Variants in VAV3 observed in about 807,000 individuals in gnomAD.
VAV3 encodes vav guanine nucleotide exchange factor 3, also known as guanine nucleotide exchange factor VAV3.
A neutral mutation model predicts 131.2 loss-of-function variants in VAV3; 94 were observed. The observed-to-expected ratio is 0.72, with a 90% CI of 0.61 to 0.85. VAV3 has a LOEUF of 0.85. Among genes scored for constraint, VAV3 ranks in the 40% least tolerant of loss-of-function variants. VAV3 has a pLI of 0.00. For missense variants in VAV3, 939 were observed against 1,002.7 expected, an observed-to-expected ratio of 0.94 and a Z score of 0.86; for synonymous variants, 349 against 342.0, an observed-to-expected ratio of 1.02 and a Z score of -0.22.
chr1:107,579,481 T>G lies in VAV3; in HGVS notation c.2351-5283A>C, dbSNP rs530475453. The stretch of plus-strand genomic sequence containing the variant: ...CTCTCTGTGAACTAGCCTTGCAAAG[T>G]TAGTACACCGTTCAGCCCTCCTTGT... On this transcript the variant is annotated intron_variant, in intron 25 of 26. Coordinates refer to ENST00000370056, the MANE Select transcript of VAV3 (RefSeq NM_006113.5). Among the ~76,000 whole-genome samples, 7 of 152,340 alleles carry G rather than the reference T, an allele frequency of 4.6e-5. No individual in the cohort carries two copies. In the East Asian group the frequency reaches 1.4e-3, roughly 29 times the overall value.
intron 2 of VAV3, among the ~76,000 whole-genome samples, chr1:107,819,468 T>C (rs553987103): frequency 1.9e-4 from 28 of 149,212 alleles, no homozygotes; most frequent in African/African-American, 6.9e-4. Context: ...GGGCCAGGAG[T>C]TCAAGACCAG....
intron 15 of VAV3, among the ~76,000 whole-genome samples, chr1:107,745,839 C>T (rs1410967272): frequency 6.6e-6 from 1 of 152,132 alleles, no homozygotes; most frequent in African/African-American, 2.4e-5. Flanking sequence ...GATTTCCCTC[C>T]ACCCTCTCAC....
At chr1:107,910,370 T>C (rs1353804697) in intron 1 of VAV3, among the ~76,000 whole-genome samples, 1 of 152,242 alleles carries the variant, frequency 6.6e-6, no homozygotes, top group Non-Finnish European at 1.5e-5. Context: ...TCACATACTT[T>C]TCACTCCAAG....
At chr1:107,669,482 A>G in intron 19 of VAV3, 1 of 1,282,676 alleles carries the variant, frequency 7.8e-7, no homozygotes, top group South Asian at 1.3e-5. Context: ...TCTAATAAAG[A>G]CAAGAAAGAA....
chr1:107,870,673 C>G (rs981626323), intron 2 of VAV3, among the ~76,000 whole-genome samples: 3 of 152,040 alleles, frequency 2.0e-5, no homozygotes, highest in Non-Finnish European at 4.4e-5. Flanking sequence ...TTCTCTCTCT[C>G]TCTCCCAATA....
chr1:107,937,663 A>T (rs575593740), intron 1 of VAV3, among the ~76,000 whole-genome samples: 2 of 152,344 alleles, frequency 1.3e-5, no homozygotes, highest in South Asian at 4.1e-4. Flanking sequence ...AATTACAGTC[A>T]TTACAGCCAA....
chr1:107,729,457 G>A (rs774564356), intron 15 of VAV3, among the ~76,000 whole-genome samples: 1 of 151,890 alleles, frequency 6.6e-6, no homozygotes, highest in Non-Finnish European at 1.5e-5. Flanking sequence ...TAGAAAACCT[G>A]AGTTTAAAAA....
At chr1:107,941,364 G>A (rs533028591) in intron 1 of VAV3, among the ~76,000 whole-genome samples, 1 of 152,154 alleles carries the variant, frequency 6.6e-6, no homozygotes, top group Non-Finnish European at 1.5e-5. Flanking sequence ...AGCATCTGTT[G>A]CAACGGCTTT....
intron 15 of VAV3, among the ~76,000 whole-genome samples, chr1:107,733,839 G>A (rs182863782): frequency 1.4e-4 from 21 of 152,224 alleles, no homozygotes; most frequent in African/African-American, 4.1e-4. Context: ...CCAGGAGGAC[G>A]TCCCCAACCT....
At chr1:107,724,216 CCAAA>C (rs1183835879) in intron 15 of VAV3, among the ~76,000 whole-genome samples, 2 of 151,860 alleles carry the variant, frequency 1.3e-5, no homozygotes, top group African/African-American at 2.4e-5. Flanking sequence ...CGTCTCAGCC[CCAAA>C]CAGTTATTCC....
intron 2 of VAV3, among the ~76,000 whole-genome samples, chr1:107,818,478 G>C (rs1485233902): frequency 6.6e-6 from 1 of 151,630 alleles, no homozygotes; most frequent in Non-Finnish European, 1.5e-5. Context: ...AAACAGGAAA[G>C]GAGGGGAAAG....
chr1:107,818,811 C>A (rs986731181), intron 2 of VAV3, among the ~76,000 whole-genome samples: 1 of 152,078 alleles, frequency 6.6e-6, no homozygotes, highest in South Asian at 2.1e-4. Flanking sequence ...GTTATTCAGT[C>A]CCCCCACCAG....
At chr1:107,950,654 A>G (rs969228923) in intron 1 of VAV3, among the ~76,000 whole-genome samples, 3 of 152,196 alleles carry the variant, frequency 2.0e-5, no homozygotes, top group Non-Finnish European at 2.9e-5. Context: ...GCAAAGCCTG[A>G]GAAGGAGGGT....
In VAV3 at chr1:107,755,498, C is replaced by A. The variant is rs368107036; in HGVS notation, c.1102G>T (p.Val368Leu). 1 of 1,613,316 alleles carries A rather than the reference C, an allele frequency of 6.2e-7. No individual in the cohort carries two copies. The highest frequency in any genetic ancestry group is 1.3e-5 in the African/African-American group (1 of 75,026). The change falls in exon 12 of 27, where the codon GTG (valine) becomes TTG (leucine). Residue 368 changes from valine (V) to leucine (L), a missense_variant. By Grantham distance (32) the Val-to-Leu change is conservative. Coordinates refer to ENST00000370056, the MANE Select transcript of VAV3 (RefSeq NM_006113.5). Reference protein sequence around the residue: ...LDAMKDLAQYVNEVKRDNETL... With the variant: ...LDAMKDLAQYLNEVKRDNETL... The stretch of plus-strand genomic sequence containing the variant: ...TCATTATCTCTTTTCACTTCATTCA[C>A]ATATTGTGCCAAGTCCTAGACAATA...
At chr1:107,879,840 G>A (rs766604235) in intron 1 of VAV3, among the ~76,000 whole-genome samples, 38 of 152,238 alleles carry the variant, frequency 2.5e-4, no homozygotes, top group African/African-American at 8.9e-4. Flanking sequence ...AATATTCAGT[G>A]TATCCATATA....
intron 1 of VAV3, among the ~76,000 whole-genome samples, chr1:107,895,771 G>T (rs927637923): frequency 6.6e-6 from 1 of 152,136 alleles, no homozygotes; most frequent in African/African-American, 2.4e-5. Flanking sequence ...ATGTGTCCTT[G>T]CTCAAAAATG....
intron 4 of VAV3, among the ~76,000 whole-genome samples, chr1:107,776,233 T>G (rs1181062710): frequency 6.6e-6 from 1 of 152,210 alleles, no homozygotes; most frequent in African/African-American, 2.4e-5. Context: ...AACAAATACT[T>G]ATTGAGTACC....
intron 2 of VAV3, among the ~76,000 whole-genome samples, chr1:107,837,573 T>C (rs189782712): frequency 2.6e-5 from 4 of 152,196 alleles, no homozygotes; most frequent in Admixed American, 2.0e-4. Context: ...AGAGCCCAAA[T>C]AGCCAAAGCA....
intron 1 of VAV3, among the ~76,000 whole-genome samples, chr1:107,909,293 G>A (rs1382014717): frequency 1.3e-5 from 2 of 152,050 alleles, no homozygotes; most frequent in Non-Finnish European, 2.9e-5. Flanking sequence ...TGAAATATGA[G>A]TACCTCACAG....
Sources: gnomAD v4.1 joint callset for allele counts (sites outside exome capture counted in the v4.1 genomes callset) on GRCh38, gnomAD v4.1.1 for gene constraint, MANE v1.5 for transcripts, NCBI Gene and HGNC (gene_info 2026-07-23, HGNC 2026-07-21) for gene names.